POM121C: variants seen among roughly 807,000 people sequenced by gnomAD.
POM121C encodes the protein POM121 transmembrane nucleoporin C.
A neutral mutation model predicts 66.4 loss-of-function variants in POM121C; 20 were observed. The ratio of observed to expected loss-of-function variants is 0.30; its 90% CI spans 0.21 to 0.44. The LOEUF is 0.44. Ranked by LOEUF, POM121C falls within the 20% of genes least tolerant of loss-of-function variation. The probability of loss-of-function intolerance (pLI) is 1.00; values close to 1 mark genes in which losing one functional copy is unlikely to be tolerated. For missense variants in POM121C, 580 were observed against 1,225.7 expected, an observed-to-expected ratio of 0.47 and a Z score of 7.87; for synonymous variants, 286 against 528.0, an observed-to-expected ratio of 0.54 and a Z score of 6.28.
chr7:75,433,234 CAAAAAAAAAA>C (rs782004307), intron 7 of POM121C, among the ~76,000 whole-genome samples: 1 of 44,250 alleles, frequency 2.3e-5, no homozygotes, highest in South Asian at 1.3e-3. Context: ...GACTCTGTCT[CAAAAAAAAAA>C]AAAAAAAAAA....
chr7:75,476,376 C>T (rs1792077488), intron 1 of POM121C, among the ~76,000 whole-genome samples: 1 of 151,964 alleles, frequency 6.6e-6, no homozygotes, highest in Admixed American at 6.6e-5. Context: ...GGATTACAGG[C>T]TTGAGCCAGC....
intron 12 of POM121C, among the ~76,000 whole-genome samples, chr7:75,423,714 T>C (rs1318136603): frequency 6.6e-6 from 1 of 152,200 alleles, no homozygotes; most frequent in Non-Finnish European, 1.5e-5. Context: ...TCTGGACCAG[T>C]AGTTCTGACA....
At chr7:75,465,895 CAAAAAAA>C (rs35108311) in intron 3 of POM121C, among the ~76,000 whole-genome samples, 1 of 15,222 alleles carries the variant, frequency 6.6e-5, no homozygotes, top group African/African-American at 2.9e-4. Flanking sequence ...CACCCTGTCT[CAAAAAAA>C]AAAAAAAAAA....
intron 3 of POM121C, among the ~76,000 whole-genome samples, chr7:75,445,040 G>GA (rs1386276367): frequency 6.9e-6 from 1 of 145,792 alleles, no homozygotes; most frequent in African/African-American, 2.5e-5. Flanking sequence ...CCAAGACTGG[G>GA]AAAAACAACG....
intron 1 of POM121C, among the ~76,000 whole-genome samples, chr7:75,482,587 G>C (rs1269819863): frequency 6.6e-6 from 1 of 152,206 alleles, no homozygotes; most frequent in Non-Finnish European, 1.5e-5. Context: ...CTAGGCGGGA[G>C]GCTGAGGCAA....
At chr7:75,455,223 G>C (rs1197837968) in intron 3 of POM121C, among the ~76,000 whole-genome samples, 3 of 152,220 alleles carry the variant, frequency 2.0e-5, no homozygotes, top group African/African-American at 7.2e-5. Flanking sequence ...ATTACCCGCC[G>C]TGCTGGTCTG....
chr7:75,467,039 A>C (rs1328846695), intron 3 of POM121C, among the ~76,000 whole-genome samples: 1 of 152,228 alleles, frequency 6.6e-6, no homozygotes, highest in Admixed American at 6.5e-5. Context: ...TTTAAAAAAT[A>C]ATTCTCCAGG....
chr7:75,460,470 C>T (rs1218985121), intron 3 of POM121C, among the ~76,000 whole-genome samples: 3 of 151,792 alleles, frequency 2.0e-5, no homozygotes, highest in Non-Finnish European at 4.4e-5. Flanking sequence ...CCACTGCACT[C>T]CAGCCAACAG....
chr7:75,439,090 G>C (rs1790527714), intron 6 of POM121C, 54 bp downstream of exon 6: 2 of 1,590,488 alleles, frequency 1.3e-6, no homozygotes, highest in African/African-American at 2.7e-5. Flanking sequence ...CAACAGCTCT[G>C]ATCAGGCCTT....
At chr7:75,430,453 A>G (rs1203226612) in intron 7 of POM121C, among the ~76,000 whole-genome samples, 1 of 152,216 alleles carries the variant, frequency 6.6e-6, no homozygotes, top group African/African-American at 2.4e-5. Flanking sequence ...GTATTTCTAT[A>G]GTAAAAAACA....
chr7:75,471,810 A>G (rs1313841507), intron 3 of POM121C, among the ~76,000 whole-genome samples: 9 of 152,196 alleles, frequency 5.9e-5, no homozygotes, highest in South Asian at 2.1e-4. Flanking sequence ...GCACAACGCT[A>G]AAGTTTATTG....
chr7:75,475,195 T>C lies in POM121C; in HGVS notation c.-457-7A>G, dbSNP rs587602452. ...CTTTGAATGACACTGGCCCCTGTAA[T>C]GGCAACATGATCAGAATTGGGAGAT... On this transcript the variant is annotated splice_polypyrimidine_tract_variant and splice_region_variant and intron_variant, in intron 1 of 14. Transcript: ENST00000615331. 5 of 1,375,922 alleles carry C rather than the reference T, an allele frequency of 3.6e-6. No individual in the cohort carries two copies. In the East Asian group the frequency reaches 7.0e-5, roughly 19 times the overall value. The allele number at this position is 1,375,922 out of a possible 1,614,324, so 85.2% of individuals were successfully genotyped here.
chr7:75,449,694 T>C lies in POM121C; in HGVS notation c.-151-8047A>G, dbSNP rs587605336. Among the ~76,000 whole-genome samples the C allele has an allele frequency of 4.5e-3, 678 of 151,950 alleles. 4 individuals carry two copies. The highest frequency in any genetic ancestry group is 0.015 in the African/African-American group (635 of 41,478). ...AGTAGGGGAAAGAGCTGAGTTCCATTCTCTGGTGTCCTTAAAGAACAGGAA... is the reference window on the plus strand; with the variant it reads ...AGTAGGGGAAAGAGCTGAGTTCCATCCTCTGGTGTCCTTAAAGAACAGGAA... On this transcript the variant is annotated intron_variant, in intron 3 of 14. Transcript: ENST00000615331.
At chr7:75,478,268 G>A (rs1160574148) in intron 1 of POM121C, among the ~76,000 whole-genome samples, 1 of 152,120 alleles carries the variant, frequency 6.6e-6, no homozygotes, top group Non-Finnish European at 1.5e-5. Flanking sequence ...CGCCTGGGCT[G>A]AAGCAGTGGT....
intron 3 of POM121C, among the ~76,000 whole-genome samples, chr7:75,463,510 A>C (rs1480777446): frequency 6.7e-6 from 1 of 148,944 alleles, no homozygotes; most frequent in Non-Finnish European, 1.5e-5. Context: ...CTGTTAAAAC[A>C]CTAGTTGAAC....
intron 1 of POM121C, 69 bp downstream of exon 1, chr7:75,485,795 A>T (rs1326885032): frequency 4.3e-6 from 2 of 461,458 alleles, no homozygotes; most frequent in East Asian, 6.4e-5. Flanking sequence ...CCCCACACTC[A>T]AAGGTCCCCA....
In POM121C at chr7:75,422,324, G is replaced by T; in HGVS notation, c.1928C>A (p.Pro643Gln). 1 of 1,611,414 alleles carries T rather than the reference G, an allele frequency of 6.2e-7. No individual in the cohort carries two copies. Among genetic ancestry groups the T allele is most frequent in the Non-Finnish European group, 8.5e-7 (1 of 1,179,272 alleles). ...TFSQSLPTAV[P>Q]TATSSSAADF... Reference sequence around the variant, plus strand: ...GGCAGCGCTGCTGCTGGTGGCCGTTGGCACGGCAGTGGGCAGGGACTGGCT... The same window carrying T: ...GGCAGCGCTGCTGCTGGTGGCCGTTTGCACGGCAGTGGGCAGGGACTGGCT... The change falls in exon 13 of 15, where the codon CCA becomes CAA. Residue 643 changes from proline (P) to glutamine (Q), a missense_variant. Coordinates refer to ENST00000615331, the MANE Select transcript of POM121C (RefSeq NM_001099415.3).
rs782656201 is a variant in POM121C, at chr7:75,421,496, C to T, written c.2743+13G>A. 324 of 1,611,010 alleles carry T rather than the reference C, an allele frequency of 2.0e-4. 2 individuals carry two copies. The Middle Eastern group carries it at 2.9e-3, about 14-fold the overall frequency. On this transcript the variant is annotated intron_variant, in intron 13 of 14. Transcript: ENST00000615331. ...TGTCCGGCCCGGTAGCCCAAGTCCA[C>T]GCCCCTCCTTACCTCCAAACACAGG...
At chr7:75,475,756 G>A (rs1443773822) in intron 1 of POM121C, among the ~76,000 whole-genome samples, 1 of 151,924 alleles carries the variant, frequency 6.6e-6, no homozygotes, top group African/African-American at 2.4e-5. Flanking sequence ...ATAAATATTC[G>A]TTAAATGAAT....
Sources: gnomAD v4.1 joint callset for allele counts (sites outside exome capture counted in the v4.1 genomes callset) on GRCh38, gnomAD v4.1.1 for gene constraint, MANE v1.5 for transcripts, NCBI Gene and HGNC (gene_info 2026-07-23, HGNC 2026-07-21) for gene names.